The following FOXJ3 variants were observed in gnomAD, a reference collection of about 807,000 sequenced individuals.
FOXJ3 encodes forkhead box J3.
In FOXJ3, 22 loss-of-function variants were observed where a neutral mutation model predicts 76.1. The ratio of observed to expected loss-of-function variants is 0.29; its 90% CI spans 0.21 to 0.41. The LOEUF (loss-of-function observed/expected upper bound fraction) is 0.41. Among genes scored for constraint, FOXJ3 ranks in the 10% least tolerant of loss-of-function variants. FOXJ3 has a pLI of 1.00. For synonymous variants in FOXJ3, 269 were observed against 261.2 expected (o/e 1.03, Z -0.29); for missense variants, 613 against 762.1 (o/e 0.80, Z 2.30).
In FOXJ3 at chr1:42,309,059, T is replaced by C. The variant is rs146968933; in HGVS notation, c.44+1991A>G. On this transcript the variant is annotated intron_variant, in intron 2 of 12. Coordinates refer to ENST00000361346, the MANE Select transcript of FOXJ3 (RefSeq NM_014947.5). ...AAATAGGATAGTCAGCCTTGACTTGTGAAAAGTCAAATATGTAAAAACTAC... is the reference window on the plus strand; with the variant it reads ...AAATAGGATAGTCAGCCTTGACTTGCGAAAAGTCAAATATGTAAAAACTAC... Among the ~76,000 whole-genome samples the C allele has an allele frequency of 3.6e-3, 541 of 151,298 alleles. 5 individuals are homozygous for C. Among genetic ancestry groups the C allele is most frequent in the African/African-American group, 0.012 (506 of 41,230 alleles).
At chr1:42,189,502 T>G (rs1646500346) in intron 9 of FOXJ3, 98 bp from the exon 10 acceptor site, 2 of 816,404 alleles carry the variant, frequency 2.4e-6, no homozygotes, top group East Asian at 5.4e-5. Context: ...AATTGGCTGA[T>G]TCTTGTCCCG....
Position 42,188,728 on chromosome 1 carries a change from AC to A in FOXJ3, c.1645+8del. ...ATGAGAAAAATCAAGAAGATAACTAACCCCATACCTGTTCCAATGTGTTGGG... is the reference window on the plus strand; with the variant it reads ...ATGAGAAAAATCAAGAAGATAACTAACCCATACCTGTTCCAATGTGTTGGG... On this transcript the variant is annotated splice_region_variant and intron_variant, in intron 11 of 12. Transcript: ENST00000361346. The A allele has an allele frequency of 1.4e-6, 2 of 1,461,562 alleles. No individual in the cohort carries two copies. Among genetic ancestry groups the A allele is most frequent in the Non-Finnish European group, 1.8e-6 (2 of 1,095,604 alleles). 90.5% of individuals were successfully genotyped at this position (1,461,562 alleles called of 1,614,324 possible).
chr1:42,204,843 ACT>A (rs1557635486), intron 6 of FOXJ3, among the ~76,000 whole-genome samples: 1 of 152,028 alleles, frequency 6.6e-6, no homozygotes, highest in African/African-American at 2.4e-5. Flanking sequence ...TGAATATGTC[ACT>A]CTGATTATAA....
In FOXJ3 at chr1:42,224,710, A is replaced by G. The variant is rs911470622; in HGVS notation, c.528+3173T>C. Among the ~76,000 whole-genome samples the G allele has an allele frequency of 2.6e-5, 4 of 152,212 alleles. No individual in the cohort carries two copies. The South Asian group carries it at 6.2e-4, about 24-fold the overall frequency. ...GAAAAAATAATATTAGGATGGAGGTAACTGTCAAGCTTTATCTTCCGTTTA... is the reference window on the plus strand; with the variant it reads ...GAAAAAATAATATTAGGATGGAGGTGACTGTCAAGCTTTATCTTCCGTTTA... On this transcript the variant is annotated intron_variant, in intron 5 of 12. Transcript: ENST00000361346.
chr1:42,236,601 T>C (rs1423396504), intron 4 of FOXJ3, among the ~76,000 whole-genome samples: 1 of 152,254 alleles, frequency 6.6e-6, no homozygotes, highest in Non-Finnish European at 1.5e-5. Flanking sequence ...TATACCTTCA[T>C]GTAACTAACA....
intron 2 of FOXJ3, among the ~76,000 whole-genome samples, chr1:42,310,128 T>A (rs117386990): frequency 1.3e-5 from 2 of 152,110 alleles, no homozygotes; most frequent in Non-Finnish European, 2.9e-5. Flanking sequence ...TCTAATTAAA[T>A]TGAGTAGAAA....
intron 3 of FOXJ3, among the ~76,000 whole-genome samples, chr1:42,273,335 A>G (rs1652001393): frequency 6.6e-6 from 1 of 152,198 alleles, no homozygotes; most frequent in African/African-American, 2.4e-5. Flanking sequence ...GCTTCACAAG[A>G]GCAGATAATA....
chr1:42,244,699 A>C (rs1382187971), intron 4 of FOXJ3, among the ~76,000 whole-genome samples: 3 of 152,156 alleles, frequency 2.0e-5, no homozygotes, highest in African/African-American at 4.8e-5. Context: ...GAAACAAAAA[A>C]AGAAGATGTA....
intron 6 of FOXJ3, among the ~76,000 whole-genome samples, chr1:42,199,930 G>A (rs945263033): frequency 1.7e-5 from 2 of 118,812 alleles, no homozygotes; most frequent in African/African-American, 6.5e-5. Context: ...TTTTGGAATA[G>A]AAAACTAGCC....
At chr1:42,205,641 T>C (rs1230278310) in intron 6 of FOXJ3, 121 bp downstream of exon 6, 6 of 648,992 alleles carry the variant, frequency 9.2e-6, no homozygotes, top group African/African-American at 1.8e-5. Flanking sequence ...CTACCATGCA[T>C]AGGGTAGACA....
intron 3 of FOXJ3, among the ~76,000 whole-genome samples, chr1:42,270,476 G>A (rs969097560): frequency 6.6e-6 from 1 of 152,076 alleles, no homozygotes; most frequent in Non-Finnish European, 1.5e-5. Context: ...CACCTATTTA[G>A]AATGTAAAAA....
chr1:42,321,363 C>T (rs1463547676), intron 1 of FOXJ3, among the ~76,000 whole-genome samples: 3 of 152,120 alleles, frequency 2.0e-5, no homozygotes, highest in Non-Finnish European at 4.4e-5. Context: ...CTGCCAAGGA[C>T]ATGGTGATGA....
chr1:42,192,734 A>T (rs1646574718), intron 8 of FOXJ3, among the ~76,000 whole-genome samples: 1 of 152,096 alleles, frequency 6.6e-6, no homozygotes, highest in South Asian at 2.1e-4. Flanking sequence ...TGTTATGCTG[A>T]ACCAAACATA....
intron 8 of FOXJ3, among the ~76,000 whole-genome samples, chr1:42,194,261 C>T (rs1240613632): frequency 6.6e-6 from 1 of 152,182 alleles, no homozygotes; most frequent in Non-Finnish European, 1.5e-5. Flanking sequence ...CATTTTTACC[C>T]TCTGATTAAA....
At chr1:42,309,526 T>C (rs1037706782) in intron 2 of FOXJ3, among the ~76,000 whole-genome samples, 1 of 152,244 alleles carries the variant, frequency 6.6e-6, no homozygotes, top group East Asian at 1.9e-4. Flanking sequence ...CCCTTTATCA[T>C]ATCACTAACA....
At chr1:42,192,796 A>G (rs576065618) in intron 8 of FOXJ3, among the ~76,000 whole-genome samples, 2 of 152,230 alleles carry the variant, frequency 1.3e-5, no homozygotes, top group East Asian at 3.9e-4. Context: ...ATCAATCAAT[A>G]AAAGAATCAA....
chr1:42,248,730 C>CTTTTTTTTTTTTT (rs4019587), intron 4 of FOXJ3, among the ~76,000 whole-genome samples: 1 of 92,192 alleles, frequency 1.1e-5, no homozygotes, highest in African/African-American at 4.0e-5. Context: ...CCTGTTTTTT[C>CTTTTTTTTTTTTT]TTTTTTTTTT....
intron 5 of FOXJ3, among the ~76,000 whole-genome samples, chr1:42,215,955 C>T (rs1647055145): frequency 6.6e-6 from 1 of 151,810 alleles, no homozygotes; most frequent in African/African-American, 2.4e-5. Context: ...AGTTTGAGAC[C>T]AGCCTGGTCA....
chr1:42,286,142 A>G (rs1212674602), intron 2 of FOXJ3, among the ~76,000 whole-genome samples: 1 of 152,238 alleles, frequency 6.6e-6, no homozygotes, highest in Non-Finnish European at 1.5e-5. Flanking sequence ...ATAATTTACT[A>G]CAGACTGACT....
Sources: allele counts gnomAD v4.1 joint callset (sites outside exome capture counted in the v4.1 genomes callset), GRCh38; gene constraint gnomAD v4.1.1; transcripts MANE v1.5; gene names NCBI Gene and HGNC (gene_info 2026-07-23, HGNC 2026-07-21).